KIAA0825: variants seen among roughly 807,000 people sequenced by gnomAD.
The protein encoded by KIAA0825 is KIAA0825.
KIAA0825 carries 119 observed loss-of-function variants against 147.6 expected under a neutral mutation model. That is an observed-to-expected ratio of 0.81 (90% CI 0.69 to 0.94). The LOEUF is 0.94. Among genes scored for constraint, KIAA0825 ranks in the 40% least tolerant of loss-of-function variants. KIAA0825 has a pLI of 0.00. For missense variants in KIAA0825, 1,381 were observed against 1,472.7 expected (o/e 0.94, Z 1.02); for synonymous variants, 470 against 518.1 (o/e 0.91, Z 1.26).
intron 20 of KIAA0825, among the ~76,000 whole-genome samples, chr5:94,205,655 G>A (rs1772127967): frequency 6.6e-6 from 1 of 152,002 alleles, no homozygotes; most frequent in African/African-American, 2.4e-5. Context: ...TAATTATCAT[G>A]GATGCCATAA....
At chr5:94,475,216 A>G (rs941410474) in intron 7 of KIAA0825, among the ~76,000 whole-genome samples, 4 of 152,206 alleles carry the variant, frequency 2.6e-5, no homozygotes, top group Non-Finnish European at 5.9e-5. Context: ...GGACACATTT[A>G]TGAAAAAAAT....
intron 20 of KIAA0825, among the ~76,000 whole-genome samples, chr5:94,203,240 C>G (rs1771858892): frequency 6.6e-6 from 1 of 152,180 alleles, no homozygotes; most frequent in Non-Finnish European, 1.5e-5. Context: ...AGATTTTTCT[C>G]TCAGGTGTAG....
intron 6 of KIAA0825, among the ~76,000 whole-genome samples, chr5:94,483,921 G>T (rs1762761894): frequency 6.6e-6 from 1 of 150,510 alleles, no homozygotes; most frequent in South Asian, 2.1e-4. Context: ...ACTTTTTTTT[G>T]CAGATGCAGC....
intron 20 of KIAA0825, among the ~76,000 whole-genome samples, chr5:94,180,319 C>T (rs2149974890): frequency 6.6e-6 from 1 of 152,100 alleles, no homozygotes; most frequent in South Asian, 2.1e-4. Context: ...AATAATTTAC[C>T]AGTATCCTTC....
rs576831133 is a variant in KIAA0825, at chr5:94,363,623, C to G, written c.3710+20745G>C. Among the ~76,000 whole-genome samples the G allele has an allele frequency of 4.6e-5, 7 of 152,244 alleles. No individual in the cohort carries two copies. The South Asian group carries it at 1.5e-3, about 32-fold the overall frequency. On this transcript the variant is annotated intron_variant, in intron 20 of 20. Transcript: ENST00000682413. Reference sequence around the variant, plus strand: ...AAATGGGACCAGGTGTGGTAGCTTACGCCTGTAATCCCAGTGCTTAGGGAG... The same window carrying G: ...AAATGGGACCAGGTGTGGTAGCTTAGGCCTGTAATCCCAGTGCTTAGGGAG...
intron 2 of KIAA0825, among the ~76,000 whole-genome samples, chr5:94,542,890 C>G (rs1166486369): frequency 6.6e-6 from 1 of 152,072 alleles, no homozygotes; most frequent in Non-Finnish European, 1.5e-5. Flanking sequence ...GGTATTTTAC[C>G]AAGGCTTTGA....
At chr5:94,276,690 T>C (rs746526506) in intron 20 of KIAA0825, among the ~76,000 whole-genome samples, 7 of 152,074 alleles carry the variant, frequency 4.6e-5, no homozygotes, top group African/African-American at 7.2e-5. Context: ...TAATAAGAAA[T>C]AGATTGATTA....
intron 20 of KIAA0825, among the ~76,000 whole-genome samples, chr5:94,329,431 A>G (rs1447939162): frequency 5.9e-5 from 9 of 152,134 alleles, no homozygotes; most frequent in Admixed American, 5.9e-4. Flanking sequence ...TGATAAAAGC[A>G]AAACCTATGC....
rs142633955 is a variant in KIAA0825 at position 94,280,587 on chromosome 5, G to A, written c.3710+103781C>T. On this transcript the variant is annotated intron_variant, in intron 20 of 20. Coordinates refer to ENST00000682413, the MANE Select transcript of KIAA0825 (RefSeq NM_001145678.3). ...ACCTCCTGTTTCTACAGTAAAGGGT[G>A]CAGGCCCTCTCCTGGTATAATCTCC... Among the ~76,000 whole-genome samples, 240 of 152,152 alleles carry A rather than the reference G, an allele frequency of 1.6e-3. 1 individual carries two copies. In the Middle Eastern group the frequency reaches 0.017, roughly 11 times the overall value.
intron 3 of KIAA0825, among the ~76,000 whole-genome samples, chr5:94,535,784 G>A: frequency 6.6e-6 from 1 of 152,204 alleles, no homozygotes; most frequent in East Asian, 1.9e-4. Context: ...ATACAAAAAA[G>A]TTTCTTTCTC....
chr5:94,425,511 G>A (rs1456428760), intron 14 of KIAA0825, among the ~76,000 whole-genome samples: 1 of 152,112 alleles, frequency 6.6e-6, no homozygotes, highest in African/African-American at 2.4e-5. Flanking sequence ...GGCAAAGGTA[G>A]GAGGATCACT....
chr5:94,473,413 T>G lies in KIAA0825; in HGVS notation c.1334A>C (p.Gln445Pro), dbSNP rs911112473. The change falls in exon 8 of 21, where the codon CAA becomes CCA. Residue 445 changes from glutamine (Q) to proline (P), a missense_variant. Physicochemically the swap from Gln to Pro is moderately conservative, Grantham distance 76. Coordinates refer to ENST00000682413, the MANE Select transcript of KIAA0825 (RefSeq NM_001145678.3). Reference sequence around the variant, plus strand: ...TGAAGACCTTTCATTCTGTTCCTGTTGGAGAATTTTTGTGGAAAAACCTTC... The same window carrying G: ...TGAAGACCTTTCATTCTGTTCCTGTGGGAGAATTTTTGTGGAAAAACCTTC... Reference protein sequence around the residue: ...AIEGFSTKILQQEQNERSSAV... With the variant: ...AIEGFSTKILPQEQNERSSAV... 8 of 1,551,946 alleles carry G rather than the reference T, an allele frequency of 5.2e-6. No individual in the cohort carries two copies. The African/African-American group carries it at 9.6e-5, about 19-fold the overall frequency.
chr5:94,527,037 C>CT (rs1769436212), intron 3 of KIAA0825, among the ~76,000 whole-genome samples: 1 of 151,956 alleles, frequency 6.6e-6, no homozygotes, highest in East Asian at 1.9e-4. Flanking sequence ...TCCCTGACAC[C>CT]TCACCCCTCA....
intron 2 of KIAA0825, among the ~76,000 whole-genome samples, chr5:94,566,007 A>G (rs1234866646): frequency 2.0e-5 from 3 of 152,178 alleles, no homozygotes; most frequent in South Asian, 2.1e-4. Flanking sequence ...GATTCCACAT[A>G]TAAGTGAGAA....
intron 14 of KIAA0825, among the ~76,000 whole-genome samples, chr5:94,433,470 A>G (rs769984633): frequency 2.6e-5 from 4 of 152,202 alleles, no homozygotes; most frequent in Non-Finnish European, 5.9e-5. Flanking sequence ...ATTATCTACT[A>G]CTTAGGTTTC....
Position 94,477,092 on chromosome 5 carries a change from T to C in KIAA0825, c.1227+19A>G. ...ATATTATATGTGAATTATAAAACACTTCTTTTTCCTTCACTTACCTCTTTT... is the reference window on the plus strand; with the variant it reads ...ATATTATATGTGAATTATAAAACACCTCTTTTTCCTTCACTTACCTCTTTT... On this transcript the variant is annotated intron_variant, in intron 7 of 20. Coordinates refer to ENST00000682413, the MANE Select transcript of KIAA0825 (RefSeq NM_001145678.3). 1 of 1,518,138 alleles carries C rather than the reference T, an allele frequency of 6.6e-7. No individual in the cohort carries two copies. The highest frequency in any genetic ancestry group is 9.0e-7 in the Non-Finnish European group (1 of 1,117,200). The allele number at this position is 1,518,138 out of a possible 1,614,324, so 94.0% of individuals were successfully genotyped here.
At chr5:94,310,604 A>T (rs1190617357) in intron 20 of KIAA0825, among the ~76,000 whole-genome samples, 2 of 151,724 alleles carry the variant, frequency 1.3e-5, no homozygotes, top group Non-Finnish European at 3.0e-5. Flanking sequence ...ATACCACAAT[A>T]AATAATGTGA....
At chr5:94,407,645 T>C (rs2150654145) in intron 15 of KIAA0825, among the ~76,000 whole-genome samples, 1 of 152,148 alleles carries the variant, frequency 6.6e-6, no homozygotes, top group African/African-American at 2.4e-5. Flanking sequence ...AAAGGCAAAA[T>C]ATAGAGACAG....
At chr5:94,437,572 C>G (rs1254453434) in intron 14 of KIAA0825, among the ~76,000 whole-genome samples, 2 of 152,096 alleles carry the variant, frequency 1.3e-5, no homozygotes, top group Non-Finnish European at 2.9e-5. Flanking sequence ...GTTATACATA[C>G]CAGAATGTGG....
Sources: allele counts gnomAD v4.1 joint callset (sites outside exome capture counted in the v4.1 genomes callset), GRCh38; gene constraint gnomAD v4.1.1; transcripts MANE v1.5; gene names NCBI Gene and HGNC (gene_info 2026-07-23, HGNC 2026-07-21).